The following ABCA1 variants were observed in gnomAD, a reference collection of about 807,000 sequenced individuals.
The protein encoded by ABCA1 is phospholipid-transporting ATPase ABCA1.
A neutral mutation model predicts 262.5 loss-of-function variants in ABCA1; 133 were observed. The ratio of observed to expected loss-of-function variants is 0.51; its 90% CI spans 0.44 to 0.59. The LOEUF (loss-of-function observed/expected upper bound fraction) is 0.59, where lower values mean the gene tolerates loss of function less well. Ranked by LOEUF, ABCA1 falls within the 20% of genes least tolerant of loss-of-function variation. The pLI, the probability that ABCA1 is intolerant of heterozygous loss-of-function variation, is 0.00. For missense variants in ABCA1, 2,452 were observed against 2,777.5 expected (o/e 0.88, Z 2.63); for synonymous variants, 1,022 against 1,043.5 (o/e 0.98, Z 0.40).
At chr9:104,862,623 A>C (rs1297712571) in intron 5 of ABCA1, among the ~76,000 whole-genome samples, 2 of 130,912 alleles carry the variant, frequency 1.5e-5, no homozygotes, top group African/African-American at 2.8e-5. Context: ...GCTTGTTAAA[A>C]TGCAGACTGC....
chr9:104,872,087 T>C (rs1172690291), intron 5 of ABCA1, among the ~76,000 whole-genome samples: 1 of 152,318 alleles, frequency 6.6e-6, no homozygotes, highest in Non-Finnish European at 1.5e-5. Flanking sequence ...TTAAGGGACA[T>C]AGTAGTGCTT....
chr9:104,843,189 T>C (rs1834540707), intron 8 of ABCA1, among the ~76,000 whole-genome samples: 2 of 152,136 alleles, frequency 1.3e-5, no homozygotes, highest in South Asian at 4.1e-4. Context: ...CACTGACCTG[T>C]TTGTTTCTGT....
Position 104,884,554 on chromosome 9 carries a change from T to C in ABCA1, c.175A>G (p.Lys59Glu). 2 of 1,614,238 alleles carry C rather than the reference T, an allele frequency of 1.2e-6. No homozygotes were observed. Among genetic ancestry groups the C allele is most frequent in the Non-Finnish European group, 1.7e-6 (2 of 1,180,038 alleles). The change falls in exon 4 of 50, where the codon AAA becomes GAA. Residue 59 changes from lysine (K) to glutamate (E), a missense_variant. By Grantham distance (56) the Lys-to-Glu change is moderately conservative. Around this residue, in one of 4 missense-constraint regions of ABCA1, gnomAD observed 1,032 missense variants for 1,089.7 expected, o/e 0.95. Transcript: ENST00000374736. ...YEQHECHFPN[K>E]AMPSAGTLPW... ...AGTGTTCCTGCAGAGGGCATGGCTT[T>C]ATTTGGAAAATGGCCTGTTGAAATC...
At chr9:104,846,012 C>T (rs776274743) in intron 7 of ABCA1, among the ~76,000 whole-genome samples, 1 of 152,200 alleles carries the variant, frequency 6.6e-6, no homozygotes, top group Non-Finnish European at 1.5e-5. Flanking sequence ...AGATGGAATT[C>T]TGTCACTCTG....
chr9:104,824,464 C>A lies in ABCA1; in HGVS notation c.2656+1G>T. ...AAGAGCAGGAGGTCAACAGCACTTA[C>A]TTTCTGATATTCTCTTCTGGTTGGA... On this transcript the variant is annotated splice_donor_variant, in intron 18 of 49. Transcript: ENST00000374736. LOFTEE classifies it high-confidence loss of function. The A allele has an allele frequency of 6.2e-7, 1 of 1,614,146 alleles. No homozygotes were observed. The highest frequency in any genetic ancestry group is 8.5e-7 in the Non-Finnish European group (1 of 1,180,010).
intron 30 of ABCA1, 32 bp downstream of exon 30, chr9:104,809,434 A>G: frequency 6.2e-7 from 1 of 1,601,592 alleles, no homozygotes; most frequent in Non-Finnish European, 8.6e-7. Context: ...AACAAGCACA[A>G]GAAGCCTGCT....
At chr9:104,837,196 C>A in intron 10 of ABCA1, 100 bp from the exon 11 acceptor site, 2 of 1,115,596 alleles carry the variant, frequency 1.8e-6, no homozygotes, top group African/African-American at 3.1e-5. Context: ...TCACAGCAGC[C>A]CTGTGCCAGT....
chr9:104,926,488 A>AAC, intron 1 of ABCA1, among the ~76,000 whole-genome samples: 1 of 151,136 alleles, frequency 6.6e-6, no homozygotes, highest in Non-Finnish European at 1.5e-5. Context: ...AAAAAACAAA[A>AAC]CGGGCTTTCG....
At chr9:104,834,991 G>A (rs1275926938) in intron 11 of ABCA1, among the ~76,000 whole-genome samples, 1 of 152,272 alleles carries the variant, frequency 6.6e-6, no homozygotes, top group African/African-American at 2.4e-5. Context: ...GCTCATGCCT[G>A]TAATCCCAAC....
intron 13 of ABCA1, 85 bp downstream of exon 13, chr9:104,831,537 G>A: frequency 1.7e-6 from 2 of 1,155,678 alleles, no homozygotes; most frequent in South Asian, 3.1e-5. Context: ...CAAATTTTTA[G>A]TTAAAATAAA....
chr9:104,830,671 C>G (rs986583968), intron 14 of ABCA1, among the ~76,000 whole-genome samples: 5 of 151,138 alleles, frequency 3.3e-5, no homozygotes, highest in African/African-American at 1.2e-4. Flanking sequence ...GCCTGGGCGT[C>G]AGAGCGAGAC....
At chr9:104,896,093 C>G (rs1253794571) in intron 2 of ABCA1, among the ~76,000 whole-genome samples, 2 of 152,146 alleles carry the variant, frequency 1.3e-5, no homozygotes, top group African/African-American at 4.8e-5. Flanking sequence ...CTTTCTGTTT[C>G]TGGCATGGTC....
intron 44 of ABCA1, among the ~76,000 whole-genome samples, chr9:104,790,397 G>A (rs145170804): frequency 6.6e-6 from 1 of 152,232 alleles, no homozygotes; most frequent in African/African-American, 2.4e-5. Context: ...TAAATTATAG[G>A]TACATGTACA....
intron 7 of ABCA1, chr9:104,855,780 C>T (rs779105327): frequency 6.4e-7 from 1 of 1,567,134 alleles, no homozygotes; most frequent in Non-Finnish European, 8.7e-7. Flanking sequence ...CCAGCTGACC[C>T]TCCCACACTG....
rs775420255 is a variant in ABCA1, at chr9:104,827,157, G to A, written c.2128C>T (p.Leu710=). The A allele has an allele frequency of 2.5e-5, 40 of 1,614,014 alleles. No homozygotes were observed. Among genetic ancestry groups the A allele is most frequent in the African/African-American group, 1.3e-5 (1 of 74,922 alleles). ...ACCACGCTGGGATCACTGTAGGGCA[G>A]CAGGTTTCCTAACTGGGAAGGAAGA... ...LVVILKLGNL[L]PYSDPSVVFV... is the part of the protein sequence containing the mutation. Residue 710 remains leucine (L), a synonymous_variant, in exon 16 of 50, where the codon CTG becomes TTG. Coordinates refer to ENST00000374736, the MANE Select transcript of ABCA1 (RefSeq NM_005502.4).
intron 4 of ABCA1, 127 bp downstream of exon 4, chr9:104,884,300 C>T (rs1838959997): frequency 1.6e-6 from 2 of 1,246,354 alleles, no homozygotes; most frequent in Admixed American, 1.9e-5. Context: ...TCTGCAGACT[C>T]TATCACACAA....
chr9:104,904,246 G>A (rs1840906952), intron 1 of ABCA1, among the ~76,000 whole-genome samples: 1 of 152,106 alleles, frequency 6.6e-6, no homozygotes, highest in Non-Finnish European at 1.5e-5. Flanking sequence ...AATTTTCAGT[G>A]GGTTATACAA....
chr9:104,818,986 A>G, intron 22 of ABCA1, 103 bp from the exon 23 acceptor site: 1 of 1,169,646 alleles, frequency 8.5e-7, no homozygotes, highest in South Asian at 1.3e-5. Context: ...TAAGCACTGG[A>G]AGAGACCTGG....
intron 6 of ABCA1, among the ~76,000 whole-genome samples, chr9:104,860,089 G>A (rs1452331143): frequency 1.3e-5 from 2 of 151,358 alleles, no homozygotes; most frequent in African/African-American, 4.9e-5. Context: ...TGACAACGGA[G>A]GGCCTTTGTT....
Sources: allele counts gnomAD v4.1 joint callset (sites outside exome capture counted in the v4.1 genomes callset), GRCh38; gene constraint gnomAD v4.1.1; regional missense constraint gnomAD v4.1.1; transcripts MANE v1.5; gene names NCBI Gene and HGNC (gene_info 2026-07-23, HGNC 2026-07-21).